The following ABCD3 variants were observed in gnomAD, a reference collection of about 807,000 sequenced individuals.
ABCD3 encodes the protein ATP binding cassette subfamily D member 3.
ABCD3 carries 41 observed loss-of-function variants against 105.5 expected under a neutral mutation model. That is an observed-to-expected ratio of 0.39 (90% confidence interval 0.30 to 0.50). The LOEUF (loss-of-function observed/expected upper bound fraction) is 0.50. ABCD3 is among the 20% of genes least tolerant of loss of function. ABCD3 has a pLI of 0.84. For synonymous variants in ABCD3, 258 were observed against 269.0 expected, an observed-to-expected ratio of 0.96 and a Z score of 0.40; for missense variants, 622 against 806.3, an observed-to-expected ratio of 0.77 and a Z score of 2.77.
chr1:94,507,498 A>G (rs2101057464), intron 21 of ABCD3, among the ~76,000 whole-genome samples: 1 of 152,182 alleles, frequency 6.6e-6, no homozygotes, highest in East Asian at 1.9e-4. Flanking sequence ...TCCTTTGGGT[A>G]TACACCCAGT....
chr1:94,475,267 A>G lies in ABCD3; in HGVS notation c.503+27A>G, dbSNP rs766697116. ...TAAGTGATAACCTATTTTTATATTAAAAATATTTAAATAGAAGAGTATTTA... is the reference window on the plus strand; with the variant it reads ...TAAGTGATAACCTATTTTTATATTAGAAATATTTAAATAGAAGAGTATTTA... On this transcript the variant is annotated intron_variant, in intron 6 of 22. Transcript: ENST00000370214. 7.5e-6 allele frequency: 10 copies of G among 1,334,526 alleles called. No individual in the cohort carries two copies. The Admixed American group carries it at 1.6e-4, about 22-fold the overall frequency. 82.7% of individuals were successfully genotyped at this position (1,334,526 alleles called of 1,614,324 possible). A position where few individuals can be genotyped will look rare whatever the true frequency, so the allele number is the denominator to read the frequency against.
chr1:94,446,927 G>T (rs1274507102), intron 1 of ABCD3, among the ~76,000 whole-genome samples: 4 of 152,192 alleles, frequency 2.6e-5, no homozygotes, highest in Admixed American at 2.6e-4. Flanking sequence ...GGGAGCAAAA[G>T]TTCTAATTCC....
intron 10 of ABCD3, among the ~76,000 whole-genome samples, chr1:94,484,187 G>A (rs946156937): frequency 7.9e-5 from 12 of 152,306 alleles, no homozygotes; most frequent in African/African-American, 2.9e-4. Flanking sequence ...TACACTGTTG[G>A]TGGGACTGTA....
chr1:94,450,738 A>T (rs1196264326), intron 1 of ABCD3, among the ~76,000 whole-genome samples: 2 of 152,116 alleles, frequency 1.3e-5, no homozygotes, highest in Non-Finnish European at 2.9e-5. Flanking sequence ...TGTGTCTTTA[A>T]TTCCTCTAGT....
At chr1:94,475,820 G>A (rs681187) in intron 7 of ABCD3, 83 bp downstream of exon 7, 904,390 of 1,189,150 alleles carry the variant, frequency 0.76, 346,278 homozygotes, top group Admixed American at 0.85. Flanking sequence ...AATTGATTTT[G>A]TGGACATAAC....
intron 1 of ABCD3, among the ~76,000 whole-genome samples, chr1:94,435,835 G>A (rs954485226): frequency 2.0e-5 from 3 of 152,202 alleles, no homozygotes; most frequent in African/African-American, 7.2e-5. Context: ...TGACCAGTGA[G>A]TTCTTCTTGT....
chr1:94,400,745 G>C, the ABCD3 span, among the ~76,000 whole-genome samples: 1 of 152,170 alleles, frequency 6.6e-6, no homozygotes, highest in Admixed American at 6.5e-5. Context: ...TTGAAATACA[G>C]CACTGATATT....
intron 1 of ABCD3, among the ~76,000 whole-genome samples, chr1:94,438,301 T>TACACACACAC (rs58959540): frequency 0.053 from 6,810 of 127,990 alleles, 274 homozygotes; most frequent in Admixed American, 0.085. Flanking sequence ...CACACACACA[T>TACACACACAC]ACACACACAC....
chr1:94,396,173 A>AT, the ABCD3 span, among the ~76,000 whole-genome samples: 1 of 152,112 alleles, frequency 6.6e-6, no homozygotes. Context: ...TTCCAATCCT[A>AT]TTTCCTCAAT....
intron 1 of ABCD3, among the ~76,000 whole-genome samples, chr1:94,424,678 A>G (rs113107631): frequency 7.2e-5 from 11 of 152,104 alleles, no homozygotes; most frequent in South Asian, 2.1e-4. Flanking sequence ...CAGACTCCCA[A>G]AGTGCTGGGA....
At chr1:94,447,996 G>A (rs755709184) in intron 1 of ABCD3, among the ~76,000 whole-genome samples, 1 of 152,184 alleles carries the variant, frequency 6.6e-6, no homozygotes, top group African/African-American at 2.4e-5. Flanking sequence ...AGCTGAGGCA[G>A]AGCTTCAGCT....
At chr1:94,468,717 T>C (rs1285815580) in intron 4 of ABCD3, among the ~76,000 whole-genome samples, 3 of 152,184 alleles carry the variant, frequency 2.0e-5, no homozygotes, top group Non-Finnish European at 4.4e-5. Flanking sequence ...TAATCTAAAA[T>C]AACTTTTTGA....
intron 1 of ABCD3, among the ~76,000 whole-genome samples, chr1:94,421,879 A>G (rs1003102277): frequency 1.3e-5 from 2 of 152,190 alleles, no homozygotes; most frequent in Non-Finnish European, 2.9e-5. Context: ...GTGCCCTTTC[A>G]ATCCATCTTC....
intron 22 of ABCD3, 54 bp from the exon 23 acceptor site, chr1:94,516,998 C>T (rs1480577016): frequency 8.4e-7 from 1 of 1,184,804 alleles, no homozygotes; most frequent in Non-Finnish European, 1.3e-6. Flanking sequence ...TCATAAAAGA[C>T]AGTACTATAT....
intron 1 of ABCD3, among the ~76,000 whole-genome samples, chr1:94,447,265 T>C (rs540487613): frequency 6.6e-6 from 1 of 152,292 alleles, no homozygotes; most frequent in African/African-American, 2.4e-5. Context: ...TTCACCAGTT[T>C]TTGTAATTAA....
chr1:94,472,409 AAAC>A (rs1648525625), intron 4 of ABCD3, among the ~76,000 whole-genome samples: 1 of 150,934 alleles, frequency 6.6e-6, no homozygotes, highest in Non-Finnish European at 1.5e-5. Context: ...TTATTGCTAT[AAAC>A]AACATTTTTG....
At chr1:94,394,898 C>T in the ABCD3 span, among the ~76,000 whole-genome samples, 4 of 152,192 alleles carry the variant, frequency 2.6e-5, no homozygotes, top group African/African-American at 9.6e-5. Flanking sequence ...AATTTTCAAT[C>T]GTGTCTATCT....
rs34336196 is a variant in ABCD3, at chr1:94,496,769, ATT to A, written c.1387-1818_1387-1817del. Among the ~76,000 whole-genome samples the A allele has an allele frequency of 1.0e-3, 110 of 109,218 alleles. 1 individual carries two copies. The highest frequency in any genetic ancestry group is 2.1e-3 in the Admixed American group (20 of 9,722). 71.7% of individuals were successfully genotyped at this position (109,218 alleles called of 152,430 possible). A position where few individuals can be genotyped will look rare whatever the true frequency, so the allele number is the denominator to read the frequency against. On this transcript the variant is annotated intron_variant, in intron 16 of 22. Transcript: ENST00000370214. ...TGCTTCAGTGCCTTTGTACCAGCAA[ATT>A]TTTTTTTTTTTTTTGAGACGGAGCC... is the stretch of plus-strand genomic sequence containing the variant.
upstream of ABCD3, among the ~76,000 whole-genome samples, chr1:94,416,264 C>T (rs1445314970): frequency 1.3e-5 from 2 of 152,300 alleles, no homozygotes; most frequent in Admixed American, 6.5e-5. Context: ...GTGACTCCTG[C>T]GGTCCTTTAG....
Sources: allele counts gnomAD v4.1 joint callset (sites outside exome capture counted in the v4.1 genomes callset), GRCh38; gene constraint gnomAD v4.1.1; transcripts MANE v1.5; gene names NCBI Gene and HGNC (gene_info 2026-07-23, HGNC 2026-07-21).